Variants in RERE observed in about 807,000 individuals in gnomAD.
The protein encoded by RERE is arginine-glutamic acid dipeptide repeats protein.
Under a neutral mutation model 146.1 loss-of-function variants are expected in RERE, and 40 were observed. The observed-to-expected ratio is 0.27, with a 90% CI of 0.21 to 0.36. RERE has a LOEUF of 0.36. Among genes scored for constraint, RERE ranks in the 10% least tolerant of loss-of-function variants. The pLI, the probability that RERE is intolerant of heterozygous loss-of-function variation, is 1.00. For missense variants in RERE, 1,933 were observed against 2,138.7 expected (o/e 0.90, Z 1.90); for synonymous variants, 1,003 against 866.0 (o/e 1.16, Z -2.78).
rs956289155 is a variant in RERE at position 8,352,412 on chromosome 1, T to A, written c.*2675A>T. The A allele has an allele frequency of 5.2e-5, 8 of 152,440 alleles. No individual in the cohort carries two copies. Among genetic ancestry groups the A allele is most frequent in the African/African-American group, 1.7e-4 (7 of 41,442 alleles). The allele number at this position is 152,440 out of a possible 1,614,324, so 9.4% of individuals were successfully genotyped here. ...CGGGAGACACCCAAGGGTTGTAGTG[T>A]AGCTTGGTTTTATTTATGTCCACAA... is the stretch of plus-strand genomic sequence containing the variant. On this transcript the variant is annotated 3_prime_UTR_variant, in exon 23 of 23. Coordinates refer to ENST00000400908, the MANE Select transcript of RERE (RefSeq NM_001042681.2).
intron 11 of RERE, among the ~76,000 whole-genome samples, chr1:8,435,516 G>A (rs1644157669): frequency 6.6e-6 from 1 of 152,062 alleles, no homozygotes; most frequent in African/African-American, 2.4e-5. Context: ...AACTACTACT[G>A]ACAAAACCAT....
intron 9 of RERE, among the ~76,000 whole-genome samples, chr1:8,496,901 G>T (rs1478539314): frequency 6.6e-6 from 1 of 152,150 alleles, no homozygotes; most frequent in Non-Finnish European, 1.5e-5. Context: ...TTACTTTAAG[G>T]TCCAGGATAC....
intron 11 of RERE, among the ~76,000 whole-genome samples, chr1:8,440,028 C>T (rs563583265): frequency 1.3e-5 from 2 of 152,132 alleles, no homozygotes; most frequent in African/African-American, 4.8e-5. Flanking sequence ...GAGCTGAGAT[C>T]GCGCCATTAC....
intron 3 of RERE, among the ~76,000 whole-genome samples, chr1:8,620,596 G>A (rs1041752943): frequency 6.6e-6 from 1 of 151,832 alleles, no homozygotes; most frequent in Non-Finnish European, 1.5e-5. Flanking sequence ...ATCTTTTCAT[G>A]CCAGGCCACA....
At chr1:8,719,377 GACTCATTTT>G (rs1639820522) in intron 1 of RERE, among the ~76,000 whole-genome samples, 1 of 152,124 alleles carries the variant, frequency 6.6e-6, no homozygotes, top group Non-Finnish European at 1.5e-5. Flanking sequence ...ACCCCTAAAT[GACTCATTTT>G]GTCCCAAATT....
At chr1:8,439,225 A>G (rs1033510088) in intron 11 of RERE, among the ~76,000 whole-genome samples, 3 of 152,248 alleles carry the variant, frequency 2.0e-5, no homozygotes, top group Admixed American at 2.0e-4. Flanking sequence ...TAAACACTAC[A>G]TGATTGTAAA....
chr1:8,600,402 A>G (rs1403076463), intron 4 of RERE, among the ~76,000 whole-genome samples: 2 of 152,194 alleles, frequency 1.3e-5, no homozygotes, highest in Non-Finnish European at 2.9e-5. Flanking sequence ...AATTCATCAG[A>G]TATCTTTGTG....
intron 11 of RERE, among the ~76,000 whole-genome samples, chr1:8,456,462 A>C (rs1306009921): frequency 6.6e-6 from 1 of 152,240 alleles, no homozygotes; most frequent in African/African-American, 2.4e-5. Flanking sequence ...AAAACGCTTC[A>C]ATCTTGACAC....
intron 7 of RERE, among the ~76,000 whole-genome samples, chr1:8,525,533 C>T (rs1029320720): frequency 2.0e-5 from 3 of 152,350 alleles, no homozygotes; most frequent in East Asian, 1.9e-4. Context: ...CAGAGGGACC[C>T]GCAAAGCTTC....
intron 1 of RERE, chr1:8,703,156 C>CGGGCAGGT (rs1352913058): frequency 3.9e-5 from 6 of 152,216 alleles, no homozygotes; most frequent in African/African-American, 1.2e-4. Flanking sequence ...GCGGCGCAGG[C>CGGGCAGGT]GGGCAGGTGG....
chr1:8,811,739 G>GC (rs1001560912), intron 1 of RERE, among the ~76,000 whole-genome samples: 1 of 152,252 alleles, frequency 6.6e-6, no homozygotes, highest in Non-Finnish European at 1.5e-5. Context: ...GCTCTGCCCT[G>GC]CTGCTGCAGG....
At chr1:8,801,312 C>T (rs1055320985) in intron 1 of RERE, among the ~76,000 whole-genome samples, 3 of 151,570 alleles carry the variant, frequency 2.0e-5, no homozygotes, top group Non-Finnish European at 4.4e-5. Context: ...TCTTGTTGCC[C>T]AGGCTGGAAT....
At chr1:8,359,205 G>A (rs1302037886) in intron 19 of RERE, among the ~76,000 whole-genome samples, 1 of 152,210 alleles carries the variant, frequency 6.6e-6, no homozygotes, top group Non-Finnish European at 1.5e-5. Flanking sequence ...GTCTGGGAGT[G>A]ACAGCTGGGG....
At chr1:8,579,965 G>C (rs1646343616) in intron 4 of RERE, among the ~76,000 whole-genome samples, 1 of 152,146 alleles carries the variant, frequency 6.6e-6, no homozygotes, top group African/African-American at 2.4e-5. Flanking sequence ...GATCGCGTCT[G>C]GGATCCAGCC....
At chr1:8,704,226 A>T (rs1419209932) in intron 1 of RERE, among the ~76,000 whole-genome samples, 1 of 152,204 alleles carries the variant, frequency 6.6e-6, no homozygotes, top group East Asian at 1.9e-4. Context: ...CAACTTGCTA[A>T]ATTTTATTAA....
chr1:8,405,028 G>A (rs902381622), intron 12 of RERE, among the ~76,000 whole-genome samples: 2 of 152,168 alleles, frequency 1.3e-5, no homozygotes, highest in Non-Finnish European at 2.9e-5. Flanking sequence ...TTGGGGCGTG[G>A]GGGAGGGTGA....
rs185450587 is a variant in RERE, at chr1:8,759,048, G to A, written c.-145+58112C>T. Reference sequence around the variant, plus strand: ...TCCCAACTACTCAGATGCTGAAGCCGGAGGATTGCTTAAGCCCAGGAGTTG... The same window carrying A: ...TCCCAACTACTCAGATGCTGAAGCCAGAGGATTGCTTAAGCCCAGGAGTTG... On this transcript the variant is annotated intron_variant, in intron 1 of 22. Transcript: ENST00000400908. Among the ~76,000 whole-genome samples the A allele has an allele frequency of 6.6e-5, 10 of 152,148 alleles. No individual in the cohort carries two copies. The East Asian group carries it at 1.7e-3, about 26-fold the overall frequency.
chr1:8,647,639 G>GTATA (rs563424258), intron 2 of RERE, among the ~76,000 whole-genome samples: 2 of 71,304 alleles, frequency 2.8e-5, no homozygotes, highest in Non-Finnish European at 5.9e-5. Flanking sequence ...TTTAAAATAT[G>GTATA]TATGTGTGTG....
At chr1:8,640,885 T>G (rs960143496) in intron 2 of RERE, among the ~76,000 whole-genome samples, 4 of 152,208 alleles carry the variant, frequency 2.6e-5, no homozygotes, top group Non-Finnish European at 5.9e-5. Context: ...TTATCCTCAC[T>G]TTTTCTAGTA....
Sources: gnomAD v4.1 joint callset for allele counts (sites outside exome capture counted in the v4.1 genomes callset) on GRCh38, gnomAD v4.1.1 for gene constraint, MANE v1.5 for transcripts, NCBI Gene and HGNC (gene_info 2026-07-23, HGNC 2026-07-21) for gene names.